Variants in TMEM131 observed in about 807,000 individuals in gnomAD.
TMEM131 encodes the protein 2610524E03Rik.
In TMEM131, 66 loss-of-function variants were observed where a neutral mutation model predicts 211.6. The ratio of observed to expected loss-of-function variants is 0.31; its 90% confidence interval spans 0.26 to 0.38. The LOEUF (loss-of-function observed/expected upper bound fraction) is 0.38. TMEM131 is among the 10% of genes least tolerant of loss of function. TMEM131 has a pLI of 1.00. For missense variants in TMEM131, 2,036 were observed against 2,299.3 expected (o/e 0.89, Z 2.34); for synonymous variants, 844 against 841.3 (o/e 1.00, Z -0.06).
intron 4 of TMEM131, among the ~76,000 whole-genome samples, chr2:97,881,890 T>G (rs1228182779): frequency 1.3e-5 from 2 of 152,182 alleles, no homozygotes; most frequent in Non-Finnish European, 2.9e-5. Context: ...GGAAAAAACT[T>G]GAATCAACAA....
In TMEM131 at chr2:97,995,631, C is replaced by G; in HGVS notation, c.32G>C (p.Gly11Ala). ...CGTGGAGACGGCGGCGGTGGTGGCTCCGGTTGCTCCTCCTCCCGCCCGCTT... is the reference window on the plus strand; with the variant it reads ...CGTGGAGACGGCGGCGGTGGTGGCTGCGGTTGCTCCTCCTCCCGCCCGCTT... MGKRAGGGAT[G>A]ATTAAVSTSA... The change falls in exon 1 of 41, where the codon GGA becomes GCA. Residue 11 changes from glycine (G) to alanine (A), a missense_variant. Coordinates refer to ENST00000186436, the MANE Select transcript of TMEM131 (RefSeq NM_015348.2). 2.4e-6 allele frequency: 3 copies of G among 1,227,450 alleles called. No homozygotes were observed. Among genetic ancestry groups the G allele is most frequent in the Non-Finnish European group, 2.0e-6 (2 of 984,356 alleles). 76.0% of individuals were successfully genotyped at this position (1,227,450 alleles called of 1,614,324 possible). A position where few individuals can be genotyped will look rare whatever the true frequency, so the allele number is the denominator to read the frequency against.
intron 1 of TMEM131, among the ~76,000 whole-genome samples, chr2:97,958,934 T>C (rs1055373074): frequency 5.3e-5 from 8 of 152,138 alleles, no homozygotes; most frequent in Admixed American, 4.6e-4. Context: ...TGGAGGTTTA[T>C]GAGCAAGAGG....
Position 97,766,521 on chromosome 2 carries a change from T to C in TMEM131, c.4530A>G (p.Ala1510=). Residue 1510 remains alanine (A), a synonymous_variant, in exon 34 of 41, where the codon GCA becomes GCG. Coordinates refer to ENST00000186436, the MANE Select transcript of TMEM131 (RefSeq NM_015348.2). The stretch of plus-strand genomic sequence containing the variant: ...TTCGTGATTTGGATCCACTTGTCAT[T>C]GCAGTTGGAAGAGGAATCTTGCTTG... ...NLPSKIPLPT[A]MTSGSKSRNA... is the part of the protein sequence containing the mutation. 2 of 1,614,044 alleles carry C rather than the reference T, an allele frequency of 1.2e-6. No individual in the cohort carries two copies. The highest frequency in any genetic ancestry group is 1.7e-6 in the Non-Finnish European group (2 of 1,179,880).
At chr2:97,915,842 T>C (rs1221400088) in intron 2 of TMEM131, among the ~76,000 whole-genome samples, 1 of 152,230 alleles carries the variant, frequency 6.6e-6, no homozygotes, top group African/African-American at 2.4e-5. Flanking sequence ...AGGTGTGAGA[T>C]CTTTCTATAT....
At chr2:97,930,173 A>C (rs972965760) in intron 1 of TMEM131, among the ~76,000 whole-genome samples, 4 of 151,804 alleles carry the variant, frequency 2.6e-5, no homozygotes, top group Non-Finnish European at 5.9e-5. Flanking sequence ...ACAATGTAAA[A>C]GACATAAAGT....
At chr2:97,799,271 TAA>T (rs200143558) in intron 25 of TMEM131, among the ~76,000 whole-genome samples, 2 of 143,330 alleles carry the variant, frequency 1.4e-5, no homozygotes, top group Admixed American at 7.0e-5. Context: ...CATTTGTATT[TAA>T]AAAAAAAAAA....
chr2:97,768,650 G>A (rs1679309628), intron 33 of TMEM131, among the ~76,000 whole-genome samples: 1 of 152,150 alleles, frequency 6.6e-6, no homozygotes, highest in African/African-American at 2.4e-5. Context: ...GAGTGCAGTG[G>A]CACGATCTTG....
intron 7 of TMEM131, among the ~76,000 whole-genome samples, chr2:97,837,665 T>C (rs1682998575): frequency 6.6e-6 from 1 of 152,208 alleles, no homozygotes; most frequent in African/African-American, 2.4e-5. Flanking sequence ...TGGTTTCTAC[T>C]GGTAGCAAAA....
intron 1 of TMEM131, among the ~76,000 whole-genome samples, chr2:97,956,745 T>A (rs1340372821): frequency 6.6e-6 from 1 of 152,170 alleles, no homozygotes; most frequent in African/African-American, 2.4e-5. Flanking sequence ...AAAAATTTTA[T>A]TCTCTATTAG....
chr2:97,760,645 A>G lies in TMEM131; in HGVS notation c.5056T>C (p.Ser1686Pro), dbSNP rs1293125597. The change falls in exon 38 of 41, where the codon TCC (serine) becomes CCC (proline). Residue 1686 changes from serine (S) to proline (P), a missense_variant. Coordinates refer to ENST00000186436, the MANE Select transcript of TMEM131 (RefSeq NM_015348.2). Reference protein sequence around the residue: ...AKVSSNKTGFSSSLGISHAPV... With the variant: ...AKVSSNKTGFPSSLGISHAPV... ...GCGTGTGAAATGCCAAGGCTGCTGG[A>G]GAAACCTGTTTTGTTTGAAGAAACT... 1.2e-6 allele frequency: 2 copies of G among 1,613,616 alleles called. No homozygotes were observed. The highest frequency in any genetic ancestry group is 2.2e-5 in the South Asian group (2 of 90,978).
At chr2:97,939,036 GA>G (rs1468950335) in intron 1 of TMEM131, among the ~76,000 whole-genome samples, 1 of 152,190 alleles carries the variant, frequency 6.6e-6, no homozygotes, top group East Asian at 1.9e-4. Flanking sequence ...GCAGTGTGTA[GA>G]GGGAAATTTA....
chr2:97,947,947 A>T (rs1678120697), intron 1 of TMEM131, among the ~76,000 whole-genome samples: 1 of 152,214 alleles, frequency 6.6e-6, no homozygotes, highest in Non-Finnish European at 1.5e-5. Flanking sequence ...TAATCTTTTC[A>T]ATAAGTCATG....
intron 2 of TMEM131, 127 bp downstream of exon 2, chr2:97,927,299 G>T (rs2104443231): frequency 6.3e-6 from 4 of 630,492 alleles, no homozygotes; most frequent in Middle Eastern, 4.6e-4. Flanking sequence ...AGACTCTACT[G>T]ACCTATCTTC....
At chr2:97,845,928 A>T (rs1683406520) in intron 5 of TMEM131, among the ~76,000 whole-genome samples, 1 of 152,222 alleles carries the variant, frequency 6.6e-6, no homozygotes, top group Non-Finnish European at 1.5e-5. Flanking sequence ...ATGATAAAGG[A>T]GTATTACAAG....
chr2:97,761,132 A>T, intron 36 of TMEM131: 1 of 547,562 alleles, frequency 1.8e-6, no homozygotes, highest in Non-Finnish European at 3.2e-6. Flanking sequence ...ACAAAAGATC[A>T]CTATGAAAGA....
Position 97,986,062 on chromosome 2 carries a change from A to G in TMEM131, c.187+9414T>C, listed in dbSNP as rs116297597. Among the ~76,000 whole-genome samples the G allele has an allele frequency of 4.3e-3, 656 of 152,352 alleles. 5 individuals are homozygous for G. The highest frequency in any genetic ancestry group is 5.4e-3 in the Non-Finnish European group (368 of 68,034). The stretch of plus-strand genomic sequence containing the variant: ...TCCTTAAAGTCAAAAGACTAAGTCA[A>G]AAAGAAAAATTCAAACATCAATGGG... On this transcript the variant is annotated intron_variant, in intron 1 of 40. Coordinates refer to ENST00000186436, the MANE Select transcript of TMEM131 (RefSeq NM_015348.2).
At chr2:97,859,016 T>C (rs1297489265) in intron 5 of TMEM131, among the ~76,000 whole-genome samples, 3 of 152,150 alleles carry the variant, frequency 2.0e-5, no homozygotes, top group African/African-American at 7.2e-5. Context: ...ACTAACACAA[T>C]GCGAAGGAAT....
chr2:97,926,912 T>G (rs1162124178), intron 2 of TMEM131, among the ~76,000 whole-genome samples: 6 of 152,238 alleles, frequency 3.9e-5, no homozygotes, highest in Admixed American at 3.9e-4. Flanking sequence ...CTGATTTGTC[T>G]GCCATCCAGA....
intron 11 of TMEM131, among the ~76,000 whole-genome samples, chr2:97,827,811 C>T (rs377751431): frequency 1.3e-5 from 2 of 151,962 alleles, no homozygotes; most frequent in African/African-American, 4.8e-5. Context: ...CTGATTGTCT[C>T]GGGTGTCAGC....
Sources: gnomAD v4.1 joint callset for allele counts (sites outside exome capture counted in the v4.1 genomes callset) on GRCh38, gnomAD v4.1.1 for gene constraint, MANE v1.5 for transcripts, NCBI Gene and HGNC (gene_info 2026-07-23, HGNC 2026-07-21) for gene names.